Variants in EDIL3 observed in about 807,000 individuals in gnomAD.
EDIL3 encodes the protein EGF like and discoidin domains 3.
EDIL3 carries 37 observed loss-of-function variants against 67.4 expected under a neutral mutation model. The ratio of observed to expected loss-of-function variants is 0.55; its 90% CI spans 0.42 to 0.72. The LOEUF (loss-of-function observed/expected upper bound fraction) is 0.72. Ranked by LOEUF, EDIL3 falls within the 30% of genes least tolerant of loss-of-function variation. EDIL3 has a pLI of 0.00. For synonymous variants in EDIL3, 195 were observed against 196.3 expected (o/e 0.99, Z 0.05); for missense variants, 527 against 586.3 (o/e 0.90, Z 1.04).
Position 83,942,019 on chromosome 5 carries a change from C to A in EDIL3, c.*1400G>T, listed in dbSNP as rs1744231990. ...AGGATCTTAACATTTCATACACATA[C>A]CATCCTTTCTTTTCCAATACACTTA... On this transcript the variant is annotated 3_prime_UTR_variant, in exon 11 of 11. Transcript: ENST00000296591. 3 of 151,888 alleles carry A rather than the reference C, an allele frequency of 2.0e-5. No homozygotes were observed. Among genetic ancestry groups the A allele is most frequent in the African/African-American group, 7.2e-5 (3 of 41,396 alleles). 9.4% of individuals were successfully genotyped at this position (151,888 alleles called of 1,614,324 possible). A position where few individuals can be genotyped will look rare whatever the true frequency, so the allele number is the denominator to read the frequency against.
At chr5:84,082,415 A>G (rs1244784419) in intron 6 of EDIL3, among the ~76,000 whole-genome samples, 1 of 152,240 alleles carries the variant, frequency 6.6e-6, no homozygotes, top group East Asian at 1.9e-4. Context: ...TCTAGTGTAA[A>G]GGGCGACATG....
intron 3 of EDIL3, among the ~76,000 whole-genome samples, chr5:84,201,725 T>A (rs1006866006): frequency 6.6e-6 from 1 of 152,046 alleles, no homozygotes; most frequent in African/African-American, 2.4e-5. Flanking sequence ...GGTTCCAAAT[T>A]CCCAGAAGTT....
chr5:84,350,253 C>T (rs1007668788), intron 1 of EDIL3, among the ~76,000 whole-genome samples: 1 of 152,076 alleles, frequency 6.6e-6, no homozygotes, highest in East Asian at 1.9e-4. Context: ...CTCCAGCAAT[C>T]CATGCCCAGA....
At chr5:84,245,914 T>TAAAAA (rs35831418) in intron 2 of EDIL3, among the ~76,000 whole-genome samples, 1 of 144,026 alleles carries the variant, frequency 6.9e-6, no homozygotes. Flanking sequence ...TTCTAAAATG[T>TAAAAA]AAAAAAAAAA....
chr5:84,011,164 T>C (rs1231339569), intron 9 of EDIL3, among the ~76,000 whole-genome samples: 2 of 152,180 alleles, frequency 1.3e-5, no homozygotes, highest in Non-Finnish European at 2.9e-5. Flanking sequence ...ACATTTCACA[T>C]TATCTGTGTC....
chr5:84,111,458 A>G (rs1747563454), intron 5 of EDIL3, among the ~76,000 whole-genome samples: 2 of 152,288 alleles, frequency 1.3e-5, no homozygotes, highest in Admixed American at 1.3e-4. Context: ...TCATCCACCC[A>G]TCACTCCATC....
At chr5:84,132,538 TATATATAATATATATTTTATATATTTTTA>T (rs1285245347) in intron 5 of EDIL3, among the ~76,000 whole-genome samples, 6 of 55,714 alleles carry the variant, frequency 1.1e-4, no homozygotes, top group South Asian at 9.5e-4. Flanking sequence ...TTATATATTT[TATATATAATATATATTTTATATATTTTTA>T]ATATATAATA....
chr5:83,975,842 T>A (rs1744868487), intron 9 of EDIL3, among the ~76,000 whole-genome samples: 1 of 151,804 alleles, frequency 6.6e-6, no homozygotes, highest in Non-Finnish European at 1.5e-5. Flanking sequence ...CATGGAGGCA[T>A]CAGAACAAAA....
At chr5:84,265,342 T>G (rs568617278) in intron 1 of EDIL3, among the ~76,000 whole-genome samples, 310 of 152,330 alleles carry the variant, frequency 2.0e-3, no homozygotes, top group Non-Finnish European at 3.7e-3. Context: ...TGCATAACAT[T>G]ATAAACTATG....
intron 5 of EDIL3, among the ~76,000 whole-genome samples, chr5:84,115,283 T>C (rs542787872): frequency 2.6e-5 from 4 of 152,314 alleles, no homozygotes; most frequent in African/African-American, 9.6e-5. Flanking sequence ...TTATCAGCCA[T>C]CTAGCTATTT....
At chr5:84,213,763 C>G (rs765644186) in intron 3 of EDIL3, among the ~76,000 whole-genome samples, 1 of 151,748 alleles carries the variant, frequency 6.6e-6, no homozygotes, top group Non-Finnish European at 1.5e-5. Context: ...AACACTATAC[C>G]CAGGTATGTT....
intron 5 of EDIL3, among the ~76,000 whole-genome samples, chr5:84,118,838 A>C (rs747607482): frequency 2.0e-5 from 3 of 152,166 alleles, no homozygotes; most frequent in Non-Finnish European, 4.4e-5. Flanking sequence ...GCCACATCTC[A>C]TACAGTACCA....
chr5:84,381,425 G>A (rs1317390125), intron 1 of EDIL3, among the ~76,000 whole-genome samples: 2 of 152,016 alleles, frequency 1.3e-5, no homozygotes, highest in African/African-American at 4.8e-5. Flanking sequence ...TAATGGTCAG[G>A]TAAATTAGGC....
At chr5:84,333,870 G>C (rs1241336168) in intron 1 of EDIL3, among the ~76,000 whole-genome samples, 1 of 152,012 alleles carries the variant, frequency 6.6e-6, no homozygotes, top group African/African-American at 2.4e-5. Context: ...AAAAATCAAA[G>C]ATATGAAGGG....
rs544216663 is a variant in EDIL3 at position 84,091,913 on chromosome 5, C to A, written c.651+14736G>T. 2.4e-4 allele frequency among the ~76,000 whole-genome samples: 36 copies of A among 152,230 alleles called. No individual in the cohort carries two copies. In the South Asian group the frequency reaches 7.3e-3, roughly 31 times the overall value. Reference sequence around the variant, plus strand: ...GCAGGTCTCATAAGCAATTTTAATACCTTTTGTTGAGATAGTTTCAGATTC... The same window carrying A: ...GCAGGTCTCATAAGCAATTTTAATAACTTTTGTTGAGATAGTTTCAGATTC... On this transcript the variant is annotated intron_variant, in intron 6 of 10. Transcript: ENST00000296591.
At chr5:84,207,737 A>C (rs1374736453) in intron 3 of EDIL3, among the ~76,000 whole-genome samples, 4 of 152,050 alleles carry the variant, frequency 2.6e-5, no homozygotes, top group African/African-American at 9.7e-5. Flanking sequence ...CTCAGAAATA[A>C]TGCCGCATAT....
intron 1 of EDIL3, among the ~76,000 whole-genome samples, chr5:84,342,925 T>C (rs979117753): frequency 3.9e-5 from 6 of 152,088 alleles, no homozygotes; most frequent in African/African-American, 1.4e-4. Context: ...CATTTTTCAT[T>C]GTTTCCACTT....
At chr5:84,165,132 A>T (rs540429193) in intron 4 of EDIL3, among the ~76,000 whole-genome samples, 1 of 152,294 alleles carries the variant, frequency 6.6e-6, no homozygotes, top group African/African-American at 2.4e-5. Flanking sequence ...TCAGATTGTG[A>T]AGCTGGTGTC....
At chr5:83,982,551 C>G (rs1744987735) in intron 9 of EDIL3, among the ~76,000 whole-genome samples, 1 of 152,064 alleles carries the variant, frequency 6.6e-6, no homozygotes, top group Admixed American at 6.6e-5. Flanking sequence ...TATTTAAGGG[C>G]ATAGCATGAG....
Sources: gnomAD v4.1 joint callset for allele counts (sites outside exome capture counted in the v4.1 genomes callset) on GRCh38, gnomAD v4.1.1 for gene constraint, MANE v1.5 for transcripts, NCBI Gene and HGNC (gene_info 2026-07-23, HGNC 2026-07-21) for gene names.